The following ZIC5 variants were observed in gnomAD, a reference collection of about 807,000 sequenced individuals.
ZIC5 encodes the protein Zic family zinc finger 5.
ZIC5 carries 20 observed loss-of-function variants against 28.5 expected under a neutral mutation model. The observed-to-expected ratio is 0.70, with a 90% CI of 0.49 to 1.02. The LOEUF is 1.02. ZIC5 is among the 50% of genes least tolerant of loss of function. ZIC5 has a pLI of 0.00. For synonymous variants in ZIC5, 488 were observed against 410.4 expected (o/e 1.19, Z -2.29); for missense variants, 951 against 899.7 (o/e 1.06, Z -0.73).
chr13:99,970,003 G>C (rs1347448452), intron 1 of ZIC5, 124 bp downstream of exon 1: 2 of 1,445,354 alleles, frequency 1.4e-6, no homozygotes, highest in African/African-American at 2.9e-5. Context: ...CGTATGCGAA[G>C]AGAAGCAGCA....
At position 99,970,669 on chromosome 13, in the gene ZIC5, A is replaced by G. The variant is rs2053147244; in HGVS notation, c.935T>C (p.Leu312Pro). ...CGCTGCTGCGGCCGCCGCAGCCGCC[A>G]GGTTCAGGTTTAAGTTCACGGCTCC... Reference protein sequence around the residue: ...GYGAVNLNLNLAAAAAAAAAG... With the variant: ...GYGAVNLNLNPAAAAAAAAAG... The change falls in exon 1 of 2, where the codon CTG (leucine) becomes CCG (proline). Residue 312 changes from leucine (L) to proline (P), a missense_variant. Leu to Pro is a moderately conservative substitution (Grantham distance 98, BLOSUM62 -3). Around this residue, in one of 3 missense-constraint regions of ZIC5, gnomAD observed 784 missense variants for 660.1 expected, o/e 1.19. Coordinates refer to ENST00000267294, the MANE Select transcript of ZIC5 (RefSeq NM_033132.5). 1 of 1,149,154 alleles carries G rather than the reference A, an allele frequency of 8.7e-7. No individual in the cohort carries two copies. The highest frequency in any genetic ancestry group is 2.0e-5 in the South Asian group (1 of 50,408). 71.2% of individuals were successfully genotyped at this position (1,149,154 alleles called of 1,614,324 possible).
intron 1 of ZIC5, among the ~76,000 whole-genome samples, chr13:99,968,532 G>A (rs2053118887): frequency 6.6e-6 from 1 of 152,028 alleles, no homozygotes; most frequent in Non-Finnish European, 1.5e-5. Context: ...ATCGGCTTCT[G>A]CGCCCGCAGC....
rs1262062885 is a variant in ZIC5 at position 99,964,989 on chromosome 13, C to A, written c.*388G>T. On this transcript the variant is annotated 3_prime_UTR_variant, in exon 2 of 2. Transcript: ENST00000267294. ...GTTCTGACTTAATGCTCTTTTTCTC[C>A]CCCTTTTAAAAAAAATAATATATAT... is the stretch of plus-strand genomic sequence containing the variant. 7.0e-6 allele frequency: 1 copy of A among 142,448 alleles called. No homozygotes were observed. Among genetic ancestry groups the A allele is most frequent in the African/African-American group, 2.7e-5 (1 of 37,540 alleles). 8.8% of individuals were successfully genotyped at this position (142,448 alleles called of 1,614,324 possible).
Position 99,963,808 on chromosome 13 carries a change from A to C in ZIC5, c.*1569T>G, listed in dbSNP as rs1350100397. On this transcript the variant is annotated 3_prime_UTR_variant, in exon 2 of 2. Coordinates refer to ENST00000267294, the MANE Select transcript of ZIC5 (RefSeq NM_033132.5). Reference sequence around the variant, plus strand: ...GAAAATAAATTAATTCAACTGTACAAATAATAGTGTTCACATACAAGTTAT... The same window carrying C: ...GAAAATAAATTAATTCAACTGTACACATAATAGTGTTCACATACAAGTTAT... The C allele has an allele frequency of 1.3e-5, 2 of 152,264 alleles. No homozygotes were observed. The highest frequency in any genetic ancestry group is 2.4e-5 in the African/African-American group (1 of 41,446). The allele number at this position is 152,264 out of a possible 1,614,324, so 9.4% of individuals were successfully genotyped here.
rs1043076345 is a variant in ZIC5 at position 99,965,171 on chromosome 13, A to T, written c.*206T>A. ...GGTTGTTTTTTGTTTGTTTTTTAAG[A>T]AAAAAAAAAAAAAAAGCCCAAATAT... On this transcript the variant is annotated 3_prime_UTR_variant, in exon 2 of 2. Transcript: ENST00000267294. The T allele has an allele frequency of 1.3e-5, 1 of 76,330 alleles. No homozygotes were observed. Among genetic ancestry groups the T allele is most frequent in the Non-Finnish European group, 2.1e-5 (1 of 48,670 alleles). The allele number at this position is 76,330 out of a possible 1,614,324, so 4.7% of individuals were successfully genotyped here. A position where few individuals can be genotyped will look rare whatever the true frequency, so the allele number is the denominator to read the frequency against.
chr13:99,968,764 T>C (rs1279060508), intron 1 of ZIC5, among the ~76,000 whole-genome samples: 1 of 152,032 alleles, frequency 6.6e-6, no homozygotes, highest in African/African-American at 2.4e-5. Context: ...TCCTGGGAAG[T>C]TTCTTCCTGG....
chr13:99,965,191 A>C lies in ZIC5; in HGVS notation c.*186T>G. 1.6e-5 allele frequency: 6 copies of C among 373,528 alleles called. No homozygotes were observed. The highest frequency in any genetic ancestry group is 5.2e-5 in the East Asian group (1 of 19,054). The allele number at this position is 373,528 out of a possible 1,614,324, so 23.1% of individuals were successfully genotyped here. On this transcript the variant is annotated 3_prime_UTR_variant, in exon 2 of 2. Coordinates refer to ENST00000267294, the MANE Select transcript of ZIC5 (RefSeq NM_033132.5). ...TTAAGAAAAAAAAAAAAAAAAGCCC[A>C]AATATCTTAATTAAATTAATTAAAT... is the stretch of plus-strand genomic sequence containing the variant.
In ZIC5 at chr13:99,971,642, G is replaced by A. The variant is rs1161686618; in HGVS notation, c.-39C>T. On this transcript the variant is annotated 5_prime_UTR_variant, in exon 1 of 2. Transcript: ENST00000267294. ...TCAGGCCCATAGACCCTCACTGGGGGGACTTTATTCCCTCTGCCCGCCTTC... is the reference window on the plus strand; with the variant it reads ...TCAGGCCCATAGACCCTCACTGGGGAGACTTTATTCCCTCTGCCCGCCTTC... The A allele has an allele frequency of 6.4e-7, 1 of 1,560,218 alleles. No homozygotes were observed. The highest frequency in any genetic ancestry group is 8.7e-7 in the Non-Finnish European group (1 of 1,150,984).
At position 99,971,437 on chromosome 13, in the gene ZIC5, A is replaced by G; in HGVS notation, c.167T>C (p.Leu56Pro). Residue 56 changes from leucine (L) to proline (P), a missense_variant, in exon 1 of 2, where the codon CTG (leucine) becomes CCG (proline). Around this residue, in one of 3 missense-constraint regions of ZIC5, gnomAD observed 784 missense variants for 660.1 expected, o/e 1.19. Coordinates refer to ENST00000267294, the MANE Select transcript of ZIC5 (RefSeq NM_033132.5). ...GGTGGCCACGCCGGGGTCAGCGCCCAGGTCCCGCAGGCGGAGGTGCGCGAC... is the reference window on the plus strand; with the variant it reads ...GGTGGCCACGCCGGGGTCAGCGCCCGGGTCCCGCAGGCGGAGGTGCGCGAC... ...AAVAHLRLRDLGADPGVATTP... is the reference protein window; with the variant it reads ...AAVAHLRLRDPGADPGVATTP... 1 of 1,527,422 alleles carries G rather than the reference A, an allele frequency of 6.5e-7. No homozygotes were observed. The highest frequency in any genetic ancestry group is 8.8e-7 in the Non-Finnish European group (1 of 1,135,286). 94.6% of individuals were successfully genotyped at this position (1,527,422 alleles called of 1,614,324 possible).
At chr13:99,966,477 C>G (rs1021084618) in intron 1 of ZIC5, among the ~76,000 whole-genome samples, 1 of 152,152 alleles carries the variant, frequency 6.6e-6, no homozygotes, top group Non-Finnish European at 1.5e-5. Flanking sequence ...TCCCACCACT[C>G]GATTTTTACA....
At chr13:99,969,376 G>A (rs2053127465) in intron 1 of ZIC5, among the ~76,000 whole-genome samples, 2 of 152,196 alleles carry the variant, frequency 1.3e-5, no homozygotes, top group Non-Finnish European at 2.9e-5. Context: ...GCGTGTGAGA[G>A]GGCGCGTGGG....
Position 99,970,038 on chromosome 13 carries a change from C to CAGG in ZIC5, c.1477+86_1477+88dup, listed in dbSNP as rs1301867897. The CAGG allele has an allele frequency of 6.4e-5, 100 of 1,572,072 alleles. 3 individuals are homozygous for CAGG. In the South Asian group the frequency reaches 9.1e-4, roughly 14 times the overall value. ...AGAAGGAGAAAAAAATTAAGGCGAG[C>CAGG]AGGAGGAGGAGGAGAAGCAGCGGCG... is the stretch of plus-strand genomic sequence containing the variant. On this transcript the variant is annotated intron_variant, in intron 1 of 1. Coordinates refer to ENST00000267294, the MANE Select transcript of ZIC5 (RefSeq NM_033132.5).
In ZIC5 at chr13:99,970,190, G is replaced by A. The variant is rs758810688; in HGVS notation, c.1414C>T (p.Pro472Ser). Residue 472 changes from proline (P) to serine (S), a missense_variant, in exon 1 of 2, where the codon CCC (proline) becomes TCC (serine). Coordinates refer to ENST00000267294, the MANE Select transcript of ZIC5 (RefSeq NM_033132.5). Reference sequence around the variant, plus strand: ...CGCGCGAAGACCTTGCCGCAGCCGGGGAAAGGGCAGGGAAAGGGCTTCTCG... The same window carrying A: ...CGCGCGAAGACCTTGCCGCAGCCGGAGAAAGGGCAGGGAAAGGGCTTCTCG... Reference protein sequence around the residue: ...TGEKPFPCPFPGCGKVFARSE... With the variant: ...TGEKPFPCPFSGCGKVFARSE... 8 of 1,613,000 alleles carry A rather than the reference G, an allele frequency of 5.0e-6. No individual in the cohort carries two copies. Among genetic ancestry groups the A allele is most frequent in the Non-Finnish European group, 6.8e-6 (8 of 1,179,648 alleles).
At position 99,970,554 on chromosome 13, in the gene ZIC5, G is replaced by T. The variant is rs758268448; in HGVS notation, c.1050C>A (p.His350Gln). ...PAPAQHPHQH[H>Q]PHLPGAAGAF... ...CCCCAGCCGCCCCTGGGAGGTGGGG[G>T]TGGTGCTGGTGCGGGTGCTGCGCGG... is the stretch of plus-strand genomic sequence containing the variant. Residue 350 changes from histidine to glutamine, a missense_variant, in exon 1 of 2, where the codon CAC becomes CAA. His to Gln is a conservative substitution (Grantham distance 24). Coordinates refer to ENST00000267294, the MANE Select transcript of ZIC5 (RefSeq NM_033132.5). 3 of 1,063,976 alleles carry T rather than the reference G, an allele frequency of 2.8e-6. No individual in the cohort carries two copies. The South Asian group carries it at 1.0e-4, about 36-fold the overall frequency. The allele number at this position is 1,063,976 out of a possible 1,614,324, so 65.9% of individuals were successfully genotyped here.
In ZIC5 at chr13:99,965,839, A is replaced by T. The variant is rs2053096321; in HGVS notation, c.1478-20T>A. ...TTTCCCCTGCAAGGAAACACAGGAA[A>T]GGTCAACAATGGCTTTCCAAGACCC... On this transcript the variant is annotated intron_variant, in intron 1 of 1. Transcript: ENST00000267294. The T allele has an allele frequency of 6.3e-7, 1 of 1,598,046 alleles. No homozygotes were observed. The highest frequency in any genetic ancestry group is 1.1e-5 in the South Asian group (1 of 88,154).
rs750581705 is a variant in ZIC5 at position 99,970,454 on chromosome 13, C to G, written c.1150G>C (p.Gly384Arg). 21 of 1,068,750 alleles carry G rather than the reference C, an allele frequency of 2.0e-5. 1 individual carries two copies. The East Asian group carries it at 3.2e-4, about 16-fold the overall frequency. The allele number at this position is 1,068,750 out of a possible 1,614,324, so 66.2% of individuals were successfully genotyped here. ...CKWIDPDELA[G>R]LPPPPPPPPP... ...GGCGGCGGCGGCGGCGGCGGCAGCCCGGCCAGCTCGTCGGGGTCGATCCAC... is the reference window on the plus strand; with the variant it reads ...GGCGGCGGCGGCGGCGGCGGCAGCCGGGCCAGCTCGTCGGGGTCGATCCAC... The change falls in exon 1 of 2, where the codon GGG becomes CGG. Residue 384 changes from glycine to arginine, a missense_variant. By Grantham distance (125) the Gly-to-Arg change is moderately radical. Transcript: ENST00000267294.
Position 99,965,014 on chromosome 13 carries a change from T to C in ZIC5, c.*363A>G, listed in dbSNP as rs1045231350. On this transcript the variant is annotated 3_prime_UTR_variant, in exon 2 of 2. Coordinates refer to ENST00000267294, the MANE Select transcript of ZIC5 (RefSeq NM_033132.5). ...CCCCTTTTAAAAAAAATAATATATA[T>C]ATATATGTATATATATATATATATA... The C allele has an allele frequency of 1.6e-5, 2 of 121,584 alleles. No homozygotes were observed. The highest frequency in any genetic ancestry group is 3.3e-5 in the Non-Finnish European group (2 of 60,394). The allele number at this position is 121,584 out of a possible 1,614,324, so 7.5% of individuals were successfully genotyped here. A position where few individuals can be genotyped will look rare whatever the true frequency, so the allele number is the denominator to read the frequency against.
Position 99,970,358 on chromosome 13 carries a change from C to A in ZIC5, c.1246G>T (p.Glu416Ter). The change falls in exon 1 of 2, where the codon GAG becomes TAG. Residue 416 changes from glutamate (E) to a stop codon, truncating the protein, a stop_gained. Transcript: ENST00000267294. LOFTEE classifies it high-confidence loss of function. ...TCCACCGTGACGTGATTCACCAGCTCGTGCATGGTGCCGAAAGTTTTGGAG... is the reference window on the plus strand; with the variant it reads ...TCCACCGTGACGTGATTCACCAGCTAGTGCATGGTGCCGAAAGTTTTGGAG... ...PCSKTFGTMH[E>*]LVNHVTVEHV... The A allele has an allele frequency of 1.3e-6, 2 of 1,595,340 alleles. No homozygotes were observed. The highest frequency in any genetic ancestry group is 1.7e-6 in the Non-Finnish European group (2 of 1,173,034).
chr13:99,971,077 C>T lies in ZIC5; in HGVS notation c.527G>A (p.Arg176Gln), dbSNP rs1566399174. Residue 176 changes from arginine to glutamine, a missense_variant, in exon 1 of 2, where the codon CGG becomes CAG. Transcript: ENST00000267294. Reference protein sequence around the residue: ...GKGHSRDFVLRRDLSATAPAA... With the variant: ...GKGHSRDFVLQRDLSATAPAA... ...GGGGGCCGTGGCGGAAAGGTCCCTC[C>T]GGAGGACGAAGTCCCTGCTGTGGCC... 3 of 1,431,242 alleles carry T rather than the reference C, an allele frequency of 2.1e-6. No homozygotes were observed. Among genetic ancestry groups the T allele is most frequent in the East Asian group, 3.0e-5 (1 of 33,118 alleles). The allele number at this position is 1,431,242 out of a possible 1,614,324, so 88.7% of individuals were successfully genotyped here. A position where few individuals can be genotyped will look rare whatever the true frequency, so the allele number is the denominator to read the frequency against.
Sources: allele counts gnomAD v4.1 joint callset (sites outside exome capture counted in the v4.1 genomes callset), GRCh38; gene constraint gnomAD v4.1.1; regional missense constraint gnomAD v4.1.1; transcripts MANE v1.5; gene names NCBI Gene and HGNC (gene_info 2026-07-23, HGNC 2026-07-21).